PYGB: variants seen among roughly 807,000 people sequenced by gnomAD.
PYGB encodes the protein glycogen phosphorylase, brain form.
Under a neutral mutation model 94.3 loss-of-function variants are expected in PYGB, and 82 were observed. That is an observed-to-expected ratio of 0.87 (90% CI 0.73 to 1.04). The LOEUF is 1.04. PYGB is among the 50% of genes least tolerant of loss of function. The pLI, the probability that PYGB is intolerant of heterozygous loss-of-function variation, is 0.00. For synonymous variants in PYGB, 488 were observed against 479.1 expected (o/e 1.02, Z -0.24); for missense variants, 1,132 against 1,158.2 (o/e 0.98, Z 0.33).
chr20:25,268,268 A>G (rs1007103268), intron 2 of PYGB, among the ~76,000 whole-genome samples: 1 of 150,144 alleles, frequency 6.7e-6, no homozygotes, highest in African/African-American at 2.5e-5. Flanking sequence ...GAATCAAATT[A>G]CTGTATGTGT....
At chr20:25,268,689 G>A (rs958417759) in intron 2 of PYGB, among the ~76,000 whole-genome samples, 1 of 152,188 alleles carries the variant, frequency 6.6e-6, no homozygotes, top group Non-Finnish European at 1.5e-5. Context: ...TTCTGGAATG[G>A]CTTTAAGTGT....
In PYGB at chr20:25,275,100, C is replaced by T. The variant is rs566450357; in HGVS notation, c.660+377C>T. Among the ~76,000 whole-genome samples, 17 of 152,334 alleles carry T rather than the reference C, an allele frequency of 1.1e-4. No homozygotes were observed. In the East Asian group the frequency reaches 3.1e-3, roughly 28 times the overall value. ...TGGGGGCACGGACCCCCAGGGTGGG[C>T]GAAAACAGCTCCCACTATCTCTGTG... On this transcript the variant is annotated intron_variant, in intron 5 of 19. Transcript: ENST00000216962.
At chr20:25,268,668 C>T (rs972273214) in intron 2 of PYGB, among the ~76,000 whole-genome samples, 1 of 152,186 alleles carries the variant, frequency 6.6e-6, no homozygotes, top group Non-Finnish European at 1.5e-5. Flanking sequence ...AATGAGAGTA[C>T]TGAGTTTGGC....
At chr20:25,259,625 G>A (rs766605814) in intron 2 of PYGB, among the ~76,000 whole-genome samples, 3 of 152,136 alleles carry the variant, frequency 2.0e-5, no homozygotes, top group African/African-American at 4.8e-5. Context: ...CCTCCGGGGC[G>A]GATTTAGAGC....
chr20:25,266,037 G>T (rs1015131684), intron 2 of PYGB, among the ~76,000 whole-genome samples: 1 of 152,044 alleles, frequency 6.6e-6, no homozygotes, highest in Non-Finnish European at 1.5e-5. Flanking sequence ...TATATATAAA[G>T]ATGAGGTTTC....
At chr20:25,295,969 C>T (rs749800972) in intron 19 of PYGB, among the ~76,000 whole-genome samples, 5 of 152,156 alleles carry the variant, frequency 3.3e-5, no homozygotes, top group African/African-American at 1.2e-4. Context: ...GGGCTGGCCT[C>T]GAGGAAAGGC....
intron 16 of PYGB, among the ~76,000 whole-genome samples, chr20:25,290,895 C>G (rs2088461112): frequency 6.6e-6 from 1 of 152,156 alleles, no homozygotes; most frequent in South Asian, 2.1e-4. Context: ...GGCCTGCCCT[C>G]TGTATCCTCC....
At chr20:25,278,649 G>A (rs571266905) in intron 8 of PYGB, among the ~76,000 whole-genome samples, 187 bp downstream of exon 8, 3 of 152,342 alleles carry the variant, frequency 2.0e-5, no homozygotes, top group African/African-American at 7.2e-5. Context: ...CACCGGCCTT[G>A]TTAGGAGTCA....
chr20:25,291,438 G>A (rs569637516), intron 16 of PYGB, among the ~76,000 whole-genome samples: 3 of 152,316 alleles, frequency 2.0e-5, no homozygotes, highest in African/African-American at 7.2e-5. Context: ...CAGGTGAGAG[G>A]GCTGATCTGC....
chr20:25,257,087 T>C (rs961616258), intron 1 of PYGB, among the ~76,000 whole-genome samples: 2 of 152,184 alleles, frequency 1.3e-5, no homozygotes, highest in African/African-American at 2.4e-5. Flanking sequence ...ACCATTCAAG[T>C]CTGCATTTTC....
Position 25,292,474 on chromosome 20 carries a change from A to G in PYGB, c.2038A>G (p.Met680Val), listed in dbSNP as rs1239031605. The G allele has an allele frequency of 8.7e-6, 14 of 1,613,566 alleles. No homozygotes were observed. Among genetic ancestry groups the G allele is most frequent in the Non-Finnish European group, 1.0e-5 (12 of 1,180,030 alleles). Residue 680 changes from methionine (M) to valine (V), a missense_variant, in exon 17 of 20, where the codon ATG becomes GTG. Physicochemically the swap from Met to Val is conservative, Grantham distance 21 (BLOSUM62 1). Transcript: ENST00000216962. The part of the protein sequence containing the change: ...AGTEASGTGN[M>V]KFMLNGALTI... ...CACCGAGGCCTCAGGCACAGGCAAC[A>G]TGAAGTTCATGCTCAACGGGGCCCT...
chr20:25,249,697 C>T (rs1281824443), intron 1 of PYGB, among the ~76,000 whole-genome samples: 2 of 152,128 alleles, frequency 1.3e-5, no homozygotes, highest in African/African-American at 2.4e-5. Flanking sequence ...AACTGGGGCT[C>T]TTCATATTTG....
At chr20:25,288,132 C>A in intron 14 of PYGB, 1 of 537,756 alleles carries the variant, frequency 1.9e-6, no homozygotes, top group South Asian at 1.9e-5. Context: ...AGCATCTTTG[C>A]TCGAGTCAGC....
At chr20:25,281,484 C>T (rs2088366783) in intron 11 of PYGB, among the ~76,000 whole-genome samples, 1 of 152,208 alleles carries the variant, frequency 6.6e-6, no homozygotes, top group Non-Finnish European at 1.5e-5. Flanking sequence ...TAGGTCAGAT[C>T]TTGTTCTTGC....
chr20:25,264,377 C>T (rs2092919912), intron 2 of PYGB, among the ~76,000 whole-genome samples: 1 of 152,114 alleles, frequency 6.6e-6, no homozygotes, highest in Non-Finnish European at 1.5e-5. Context: ...AAGACGGATG[C>T]CCTCTCTCAC....
chr20:25,267,091 T>A (rs2088224888), intron 2 of PYGB, among the ~76,000 whole-genome samples: 1 of 152,204 alleles, frequency 6.6e-6, no homozygotes, highest in Admixed American at 6.5e-5. Flanking sequence ...TCCAAATGTT[T>A]ATCAATTGAT....
In PYGB at chr20:25,280,322, G is replaced by A. The variant is rs1332293133; in HGVS notation, c.1149G>A (p.Glu383=). 1 of 1,614,190 alleles carries A rather than the reference G, an allele frequency of 6.2e-7. No individual in the cohort carries two copies. Among genetic ancestry groups the A allele is most frequent in the Non-Finnish European group, 8.5e-7 (1 of 1,179,996 alleles). ...CAYTNHTVLP[E]ALERWPVSMF... The stretch of plus-strand genomic sequence containing the variant: ...ACACCAACCACACTGTGCTGCCTGA[G>A]GCCTTGGAGCGCTGGCCCGTGTCCA... Residue 383 remains glutamate (E), a synonymous_variant, in exon 10 of 20, where the codon GAG becomes GAA. Coordinates refer to ENST00000216962, the MANE Select transcript of PYGB (RefSeq NM_002862.4).
intron 1 of PYGB, among the ~76,000 whole-genome samples, chr20:25,249,770 A>G (rs1361380476): frequency 2.6e-5 from 4 of 152,188 alleles, no homozygotes; most frequent in Non-Finnish European, 4.4e-5. Flanking sequence ...GCTTGGGATG[A>G]CTTTGCCAGG....
intron 17 of PYGB, among the ~76,000 whole-genome samples, chr20:25,293,475 T>TA (rs2088493049): frequency 6.6e-6 from 1 of 152,192 alleles, no homozygotes; most frequent in East Asian, 1.9e-4. Context: ...AAGCGATAAT[T>TA]ACAAAGAAAA....
Sources: gnomAD v4.1 joint callset for allele counts (sites outside exome capture counted in the v4.1 genomes callset) on GRCh38, gnomAD v4.1.1 for gene constraint, MANE v1.5 for transcripts, NCBI Gene and HGNC (gene_info 2026-07-23, HGNC 2026-07-21) for gene names.